Variants in PARP6 observed in about 807,000 individuals in gnomAD.
The protein encoded by PARP6 is protein mono-ADP-ribosyltransferase PARP6.
PARP6 carries 27 observed loss-of-function variants against 92.0 expected under a neutral mutation model. That is an observed-to-expected ratio of 0.29 (90% confidence interval 0.22 to 0.40). The LOEUF (loss-of-function observed/expected upper bound fraction) is 0.40. PARP6 is among the 10% of genes least tolerant of loss of function. The probability of loss-of-function intolerance (pLI) is 1.00; values close to 1 mark genes in which losing one functional copy is unlikely to be tolerated. For missense variants in PARP6, 501 were observed against 784.5 expected, an observed-to-expected ratio of 0.64 and a Z score of 4.32; for synonymous variants, 272 against 281.2, an observed-to-expected ratio of 0.97 and a Z score of 0.33.
chr15:72,256,144 T>A, intron 14 of PARP6, among the ~76,000 whole-genome samples: 1 of 152,174 alleles, frequency 6.6e-6, no homozygotes, highest in East Asian at 1.9e-4. Context: ...TATCCCTTTT[T>A]ACAAGATAAG....
In PARP6 at chr15:72,249,896, C is replaced by T. The variant is rs753134091; in HGVS notation, c.1491+124G>A. ...CAGTTCTAACTTCCTCTCTAGGGAA[C>T]TCCACAAGACAGGTTAGGCTTGAGG... is the stretch of plus-strand genomic sequence containing the variant. On this transcript the variant is annotated intron_variant, in intron 19 of 23. Transcript: ENST00000569795. 8.1e-5 allele frequency: 54 copies of T among 662,844 alleles called. 1 individual carries two copies. The highest frequency in any genetic ancestry group is 1.4e-4 in the Non-Finnish European group (50 of 354,902). 41.1% of individuals were successfully genotyped at this position (662,844 alleles called of 1,614,324 possible).
chr15:72,269,899 C>CAA (rs59023007), intron 2 of PARP6, among the ~76,000 whole-genome samples: 4 of 100,224 alleles, frequency 4.0e-5, no homozygotes, highest in African/African-American at 1.4e-4. Flanking sequence ...AACTCTGTCT[C>CAA]AAAAAAAAAA....
chr15:72,254,884 T>A (rs182350767), intron 14 of PARP6, among the ~76,000 whole-genome samples: 22 of 152,368 alleles, frequency 1.4e-4, no homozygotes, highest in African/African-American at 5.3e-4. Flanking sequence ...GTTAATTTTG[T>A]GTGTCAACTT....
intron 7 of PARP6, 51 bp from the exon 8 acceptor site, chr15:72,264,672 G>A (rs1401556211): frequency 6.9e-7 from 1 of 1,439,334 alleles, no homozygotes; most frequent in Non-Finnish European, 9.8e-7. Flanking sequence ...TTGTCTTCCT[G>A]GAGTCCAAAG....
Position 72,261,542 on chromosome 15 carries a change from T to C in PARP6, c.545+16A>G. 6.2e-7 allele frequency: 1 copy of C among 1,613,148 alleles called. No individual in the cohort carries two copies. Among genetic ancestry groups the C allele is most frequent in the Non-Finnish European group, 8.5e-7 (1 of 1,179,188 alleles). Reference sequence around the variant, plus strand: ...CACAAGGTGTTTACAGATGATCAGCTTTAGGGAGCACTTACTTGGGGATGG... The same window carrying C: ...CACAAGGTGTTTACAGATGATCAGCCTTAGGGAGCACTTACTTGGGGATGG... On this transcript the variant is annotated intron_variant, in intron 9 of 23. Transcript: ENST00000569795.
chr15:72,255,087 C>T (rs1428026739), intron 14 of PARP6, among the ~76,000 whole-genome samples: 1 of 151,676 alleles, frequency 6.6e-6, no homozygotes, highest in Non-Finnish European at 1.5e-5. Context: ...TCTGCCCCAC[C>T]CCGCCATGAG....
rs1356415823 is a variant in PARP6 at position 72,242,492 on chromosome 15, T to C, written c.1641+128A>G. 5 of 728,590 alleles carry C rather than the reference T, an allele frequency of 6.9e-6. No individual in the cohort carries two copies. The highest frequency in any genetic ancestry group is 5.2e-5 in the African/African-American group (3 of 58,220). The allele number at this position is 728,590 out of a possible 1,614,324, so 45.1% of individuals were successfully genotyped here. A position where few individuals can be genotyped will look rare whatever the true frequency, so the allele number is the denominator to read the frequency against. ...CCAGACGTGTGTTCACTTTAGAACATACCTGACTCCTTTAAATGATCTCAA... is the reference window on the plus strand; with the variant it reads ...CCAGACGTGTGTTCACTTTAGAACACACCTGACTCCTTTAAATGATCTCAA... On this transcript the variant is annotated intron_variant, in intron 21 of 23. Transcript: ENST00000569795. The surrounding 1 kb of genome is among the most constrained non-coding windows in gnomAD (Gnocchi z 4.3).
At chr15:72,258,820 G>C (rs2085472406) in intron 11 of PARP6, among the ~76,000 whole-genome samples, 1 of 152,106 alleles carries the variant, frequency 6.6e-6, no homozygotes, top group Admixed American at 6.5e-5. Flanking sequence ...CATGATTTTA[G>C]GCTGGTAATG....
chr15:72,265,195 T>A, intron 6 of PARP6, 24 bp from the exon 7 acceptor site: 1 of 1,546,614 alleles, frequency 6.5e-7, no homozygotes, highest in Non-Finnish European at 8.9e-7. Flanking sequence ...GGAAATAGTT[T>A]CCAGTTTAGC....
chr15:72,263,019 C>G (rs541214773), intron 8 of PARP6, among the ~76,000 whole-genome samples: 43 of 152,330 alleles, frequency 2.8e-4, no homozygotes, highest in African/African-American at 1.0e-3. Flanking sequence ...TTGACATATA[C>G]TCTGGTAAGT....
At chr15:72,258,748 G>A (rs931278202) in intron 11 of PARP6, among the ~76,000 whole-genome samples, 1 of 152,110 alleles carries the variant, frequency 6.6e-6, no homozygotes, top group African/African-American at 2.4e-5. Flanking sequence ...TTGTTTGTTT[G>A]TTTTTAATGA....
chr15:72,250,219 G>T (rs1445238672), intron 18 of PARP6, 127 bp from the exon 19 acceptor site: 12 of 680,986 alleles, frequency 1.8e-5, no homozygotes, highest in Middle Eastern at 2.4e-4. Context: ...CCTAGTGATG[G>T]ACATGCACAT....
rs757788953 is a variant in PARP6, at chr15:72,260,481, A to C, written c.753T>G (p.Pro251=). 6.2e-7 allele frequency: 1 copy of C among 1,612,748 alleles called. No individual in the cohort carries two copies. Among genetic ancestry groups the C allele is most frequent in the East Asian group, 2.2e-5 (1 of 44,852 alleles). The change falls in exon 10 of 24, where the codon CCT becomes CCG. Residue 251 remains proline (P), a synonymous_variant. Transcript: ENST00000569795. ...VGLPPPARTS[P]LVSGHCKNIP... is the part of the protein sequence containing the mutation. ...AAACCCTCCCCAGCCCATGTACCAA[A>C]GGAGAGGTCCGTGCTGGGGGAGGGA... is the stretch of plus-strand genomic sequence containing the variant.
At chr15:72,255,694 C>T (rs2084988116) in intron 14 of PARP6, among the ~76,000 whole-genome samples, 1 of 151,380 alleles carries the variant, frequency 6.6e-6, no homozygotes, top group African/African-American at 2.4e-5. Context: ...TATAATAAAC[C>T]TCTTTCTCCT....
chr15:72,271,527 G>A (rs550949966), intron 1 of PARP6, among the ~76,000 whole-genome samples: 81 of 152,098 alleles, frequency 5.3e-4, no homozygotes, highest in Non-Finnish European at 6.9e-4. Context: ...AAAATTAGCC[G>A]GAAACGTGGC....
intron 2 of PARP6, 113 bp from the exon 3 acceptor site, chr15:72,267,784 T>C: frequency 3.7e-6 from 1 of 271,066 alleles, no homozygotes; most frequent in South Asian, 7.4e-5. Context: ...AGAGTTTCGC[T>C]CTTGTCGCCC....
intron 15 of PARP6, 103 bp downstream of exon 15, chr15:72,254,352 C>G: frequency 1.3e-6 from 1 of 798,462 alleles, no homozygotes; most frequent in South Asian, 1.5e-5. Flanking sequence ...AAATACAGTG[C>G]GTAGCATCTC....
At position 72,271,788 on chromosome 15, in the gene PARP6, A is replaced by G. The variant is rs546704723; in HGVS notation, c.-459-501T>C. Reference sequence around the variant, plus strand: ...AAAGAAGTTGGGCCAAAAATAGACTATATGATGAGTGTCCAGAGAAGGTGT... The same window carrying G: ...AAAGAAGTTGGGCCAAAAATAGACTGTATGATGAGTGTCCAGAGAAGGTGT... On this transcript the variant is annotated intron_variant, in intron 1 of 23. Transcript: ENST00000569795. Among the ~76,000 whole-genome samples the G allele has an allele frequency of 3.3e-5, 5 of 152,352 alleles. No individual in the cohort carries two copies. The South Asian group carries it at 1.0e-3, about 32-fold the overall frequency.
intron 12 of PARP6, among the ~76,000 whole-genome samples, 196 bp from the exon 13 acceptor site, chr15:72,257,636 A>G (rs1013617937): frequency 3.9e-5 from 6 of 152,224 alleles, no homozygotes; most frequent in African/African-American, 1.4e-4. Context: ...TGTCTCCCCT[A>G]TGAAGCCTTC....
Sources: allele counts gnomAD v4.1 joint callset (sites outside exome capture counted in the v4.1 genomes callset), GRCh38; gene constraint gnomAD v4.1.1; non-coding constraint Gnocchi (gnomAD v3.1); transcripts MANE v1.5; gene names NCBI Gene and HGNC (gene_info 2026-07-23, HGNC 2026-07-21).